Variants in RANBP2 observed in about 807,000 individuals in gnomAD.
RANBP2 encodes the protein E3 SUMO-protein ligase RanBP2.
In RANBP2, 57 loss-of-function variants were observed where a neutral mutation model predicts 303.6. The observed-to-expected ratio is 0.19, with a 90% confidence interval of 0.15 to 0.23. The LOEUF is 0.23. Ranked by LOEUF, RANBP2 falls within the 10% of genes least tolerant of loss-of-function variation. The probability of loss-of-function intolerance (pLI) is 1.00; values close to 1 mark genes in which losing one functional copy is unlikely to be tolerated. For synonymous variants in RANBP2, 1,167 were observed against 1,301.5 expected (o/e 0.90, Z 2.23); for missense variants, 3,138 against 3,780.8 (o/e 0.83, Z 4.46).
At chr2:109,343,964 A>G in the RANBP2 span, among the ~76,000 whole-genome samples, 43 of 151,986 alleles carry the variant, frequency 2.8e-4, no homozygotes, top group Non-Finnish European at 4.3e-4. Context: ...GGCTAGCCTT[A>G]AACTCCTGGC....
At chr2:109,233,866 G>A in the RANBP2 span, among the ~76,000 whole-genome samples, 7 of 152,196 alleles carry the variant, frequency 4.6e-5, no homozygotes, top group South Asian at 2.1e-4. Context: ...GGTCTGCATT[G>A]TTTTGTCTAT....
At chr2:108,820,592 A>G in the RANBP2 span, among the ~76,000 whole-genome samples, 2 of 152,102 alleles carry the variant, frequency 1.3e-5, no homozygotes, top group Admixed American at 6.5e-5. Context: ...TAAATTGACA[A>G]GAGAAAAGCA....
the RANBP2 span, among the ~76,000 whole-genome samples, chr2:109,330,297 G>A: frequency 6.6e-6 from 1 of 152,032 alleles, no homozygotes; most frequent in African/African-American, 2.4e-5. Flanking sequence ...ATGTTATTGC[G>A]AAACTAAAGA....
At chr2:109,177,049 G>A in the RANBP2 span, among the ~76,000 whole-genome samples, 4 of 152,184 alleles carry the variant, frequency 2.6e-5, no homozygotes, top group African/African-American at 9.7e-5. Flanking sequence ...GTGTGACCTG[G>A]TGGAAGTTAC....
chr2:109,673,657 A>G, the RANBP2 span, among the ~76,000 whole-genome samples: 1 of 151,944 alleles, frequency 6.6e-6, no homozygotes, highest in Non-Finnish European at 1.5e-5. Flanking sequence ...TGAGGTCAGG[A>G]GTTCGAGACG....
chr2:108,798,831 A>ACACC, the RANBP2 span, among the ~76,000 whole-genome samples: 1 of 150,600 alleles, frequency 6.6e-6, no homozygotes. Context: ...ACACACACAC[A>ACACC]CACACACACA....
chr2:108,857,369 T>TATTGC, the RANBP2 span, among the ~76,000 whole-genome samples: 40 of 152,108 alleles, frequency 2.6e-4, no homozygotes, highest in Non-Finnish European at 5.3e-4. Flanking sequence ...GCGCCCGGAC[T>TATTGC]ATTGCATTTT....
chr2:109,513,120 C>G, the RANBP2 span, among the ~76,000 whole-genome samples: 1 of 152,176 alleles, frequency 6.6e-6, no homozygotes, highest in Non-Finnish European at 1.5e-5. Flanking sequence ...GCCACCCCAG[C>G]TCCTTCCCTG....
At chr2:109,145,853 G>A in the RANBP2 span, among the ~76,000 whole-genome samples, 2 of 152,194 alleles carry the variant, frequency 1.3e-5, no homozygotes, top group Non-Finnish European at 2.9e-5. Context: ...CTGAAAGGCA[G>A]GACGGAGCCG....
chr2:109,038,296 A>G, the RANBP2 span, among the ~76,000 whole-genome samples: 2 of 152,212 alleles, frequency 1.3e-5, no homozygotes, highest in African/African-American at 4.8e-5. Flanking sequence ...TGGATCACAG[A>G]CTTAAACCTA....
the RANBP2 span, among the ~76,000 whole-genome samples, chr2:109,173,834 G>A: frequency 5.9e-5 from 9 of 152,182 alleles, no homozygotes; most frequent in Admixed American, 2.0e-4. Flanking sequence ...CACTGCCGTC[G>A]TCCTTGGAAT....
chr2:109,394,791 C>T, the RANBP2 span, among the ~76,000 whole-genome samples: 407 of 152,344 alleles, frequency 2.7e-3, 7 homozygotes, highest in East Asian at 0.021. Flanking sequence ...GCCGAATCCA[C>T]ACCACATGGG....
the RANBP2 span, among the ~76,000 whole-genome samples, chr2:108,932,135 A>G: frequency 6.6e-6 from 1 of 152,102 alleles, no homozygotes; most frequent in East Asian, 1.9e-4. Context: ...ATGCACAGGA[A>G]CCTTCCCTCC....
At chr2:109,411,225 C>T in the RANBP2 span, among the ~76,000 whole-genome samples, 1 of 152,186 alleles carries the variant, frequency 6.6e-6, no homozygotes, top group South Asian at 2.1e-4. Context: ...GAAAGTACAT[C>T]CAGGCAGTGC....
chr2:109,382,543 C>T, the RANBP2 span, among the ~76,000 whole-genome samples: 184 of 152,214 alleles, frequency 1.2e-3, 1 homozygote, highest in African/African-American at 4.2e-3. Flanking sequence ...GTCCCCAGGC[C>T]TCAGCAATCT....
chr2:109,367,034 A>G, the RANBP2 span, among the ~76,000 whole-genome samples: 3 of 151,828 alleles, frequency 2.0e-5, no homozygotes, highest in East Asian at 5.8e-4. Flanking sequence ...GTTCACTGCA[A>G]CTTTCACCTC....
At chr2:109,541,127 CCAT>C in the RANBP2 span, among the ~76,000 whole-genome samples, 1 of 152,186 alleles carries the variant, frequency 6.6e-6, no homozygotes, top group Non-Finnish European at 1.5e-5. Context: ...ACACACATCA[CCAT>C]GTTTCATGGT....
the RANBP2 span, among the ~76,000 whole-genome samples, chr2:108,992,138 G>A: frequency 6.6e-6 from 1 of 152,154 alleles, no homozygotes; most frequent in African/African-American, 2.4e-5. Context: ...TGTTGTGTGA[G>A]CAGAAAGAAA....
At chr2:109,021,579 T>C in the RANBP2 span, among the ~76,000 whole-genome samples, 2 of 150,790 alleles carry the variant, frequency 1.3e-5, no homozygotes, top group African/African-American at 4.9e-5. Context: ...GAATGAGTTC[T>C]GACATGCGAT....
Sources: gnomAD v4.1 joint callset for allele counts (sites outside exome capture counted in the v4.1 genomes callset) on GRCh38, gnomAD v4.1.1 for gene constraint, MANE v1.5 for transcripts, NCBI Gene and HGNC (gene_info 2026-07-23, HGNC 2026-07-21) for gene names.